The following CPNE8 variants were observed in gnomAD, a reference collection of about 807,000 sequenced individuals.
The protein encoded by CPNE8 is copine-8.
In CPNE8, 45 loss-of-function variants were observed where a neutral mutation model predicts 81.5. The ratio of observed to expected loss-of-function variants is 0.55; its 90% CI spans 0.44 to 0.71. The LOEUF is 0.71. CPNE8 is among the 30% of genes least tolerant of loss of function. The pLI is 0.00. For missense variants in CPNE8, 594 were observed against 672.1 expected (o/e 0.88, Z 1.28); for synonymous variants, 252 against 226.3 (o/e 1.11, Z -1.02).
At chr12:38,905,290 G>T in intron 1 of CPNE8, 147 bp downstream of exon 1, 1 of 836,660 alleles carries the variant, frequency 1.2e-6, no homozygotes, top group Admixed American at 2.5e-5. Flanking sequence ...CTGACCCGGG[G>T]TAACTCCAGC....
chr12:38,654,154 T>G, intron 19 of CPNE8, 84 bp from the exon 20 acceptor site: 1 of 1,432,428 alleles, frequency 7.0e-7, no homozygotes, highest in Non-Finnish European at 9.2e-7. Context: ...TGTACACATT[T>G]GGTCATAGGA....
chr12:38,879,345 C>T (rs1944116829), intron 1 of CPNE8, among the ~76,000 whole-genome samples: 1 of 151,836 alleles, frequency 6.6e-6, no homozygotes, highest in South Asian at 2.1e-4. Context: ...TTGCCAACTA[C>T]ATCCCATTTT....
chr12:38,775,315 A>G (rs1941908379), intron 7 of CPNE8, among the ~76,000 whole-genome samples: 1 of 152,336 alleles, frequency 6.6e-6, no homozygotes, highest in Admixed American at 6.5e-5. Context: ...AAAGCTACAG[A>G]ATTTATCTAA....
chr12:38,817,354 C>G (rs1027303131), intron 6 of CPNE8, among the ~76,000 whole-genome samples: 2 of 152,154 alleles, frequency 1.3e-5, no homozygotes, highest in African/African-American at 4.8e-5. Flanking sequence ...TTTAGACTGT[C>G]TTGGCTCTGT....
At chr12:38,736,870 C>A (rs1251854074) in intron 10 of CPNE8, among the ~76,000 whole-genome samples, 1 of 151,956 alleles carries the variant, frequency 6.6e-6, no homozygotes, top group African/African-American at 2.4e-5. Flanking sequence ...CCAGTTATGA[C>A]CTTGGATACT....
At chr12:38,767,915 T>A (rs1270070572) in intron 7 of CPNE8, among the ~76,000 whole-genome samples, 177 bp from the exon 8 acceptor site, 1 of 152,120 alleles carries the variant, frequency 6.6e-6, no homozygotes, top group Non-Finnish European at 1.5e-5. Context: ...ACTTTAAAAA[T>A]TTTGCTGGTA....
At chr12:38,774,535 T>G (rs1250037869) in intron 7 of CPNE8, among the ~76,000 whole-genome samples, 8 of 152,138 alleles carry the variant, frequency 5.3e-5, no homozygotes, top group South Asian at 2.1e-4. Context: ...AGGCACTGGG[T>G]AGTATATGCA....
chr12:38,772,763 G>T (rs1163794560), intron 7 of CPNE8, among the ~76,000 whole-genome samples: 1 of 152,078 alleles, frequency 6.6e-6, no homozygotes, highest in Non-Finnish European at 1.5e-5. Context: ...CCACTTCTGG[G>T]TATATATCCA....
intron 19 of CPNE8, among the ~76,000 whole-genome samples, chr12:38,659,113 T>A (rs1010934949): frequency 6.6e-6 from 1 of 150,940 alleles, no homozygotes; most frequent in Non-Finnish European, 1.5e-5. Flanking sequence ...GCAAACTGGA[T>A]AGTCAAGACC....
At chr12:38,831,946 T>G (rs1377335219) in intron 5 of CPNE8, among the ~76,000 whole-genome samples, 1 of 152,248 alleles carries the variant, frequency 6.6e-6, no homozygotes, top group Non-Finnish European at 1.5e-5. Context: ...CCATCTGTGC[T>G]GAAATTGCTC....
chr12:38,658,082 C>T (rs1591992876), intron 19 of CPNE8, among the ~76,000 whole-genome samples: 1 of 151,990 alleles, frequency 6.6e-6, no homozygotes, highest in Non-Finnish European at 1.5e-5. Context: ...TTCAGAAGGT[C>T]GGTAATAATA....
chr12:38,876,243 C>T (rs1944064421), intron 1 of CPNE8, among the ~76,000 whole-genome samples: 1 of 152,078 alleles, frequency 6.6e-6, no homozygotes, highest in African/African-American at 2.4e-5. Context: ...GACGAACTTT[C>T]ACTCGTTACC....
intron 6 of CPNE8, among the ~76,000 whole-genome samples, chr12:38,782,939 C>T (rs1038418857): frequency 6.6e-6 from 1 of 152,128 alleles, no homozygotes; most frequent in African/African-American, 2.4e-5. Context: ...ATTGACCTCC[C>T]AAAGTGCAGG....
At chr12:38,786,840 A>G (rs1942200283) in intron 6 of CPNE8, among the ~76,000 whole-genome samples, 1 of 152,204 alleles carries the variant, frequency 6.6e-6, no homozygotes, top group African/African-American at 2.4e-5. Flanking sequence ...CAGATACATA[A>G]AACAAATATT....
At chr12:38,747,837 C>T (rs141735828) in intron 10 of CPNE8, among the ~76,000 whole-genome samples, 70 of 151,984 alleles carry the variant, frequency 4.6e-4, no homozygotes, top group African/African-American at 1.2e-3. Context: ...TTAATTTTAA[C>T]TGATTCTATT....
chr12:38,896,501 A>G (rs1020022181), intron 1 of CPNE8, among the ~76,000 whole-genome samples: 9 of 152,136 alleles, frequency 5.9e-5, no homozygotes, highest in African/African-American at 2.2e-4. Context: ...TGTATTGGCA[A>G]CTACAGCAGT....
In CPNE8 at chr12:38,819,219, C is replaced by T. The variant is rs113941549; in HGVS notation, c.407+10160G>A. ...ATGAAGTCTTTGCCCATGCCTATGT[C>T]CTGAATCGTATTGTCTAGGTTTTAT... is the stretch of plus-strand genomic sequence containing the variant. On this transcript the variant is annotated intron_variant, in intron 6 of 19. Coordinates refer to ENST00000331366, the MANE Select transcript of CPNE8 (RefSeq NM_153634.3). Among the ~76,000 whole-genome samples, 433 of 152,222 alleles carry T rather than the reference C, an allele frequency of 2.8e-3. 5 individuals are homozygous for T. Among genetic ancestry groups the T allele is most frequent in the African/African-American group, 9.6e-3 (399 of 41,548 alleles).
intron 19 of CPNE8, among the ~76,000 whole-genome samples, chr12:38,663,265 C>T: frequency 6.6e-6 from 1 of 151,310 alleles, no homozygotes. Context: ...AATAGCAAAA[C>T]AAAAAACAAA....
intron 6 of CPNE8, among the ~76,000 whole-genome samples, chr12:38,821,082 C>T (rs1255995970): frequency 1.3e-5 from 2 of 152,068 alleles, no homozygotes; most frequent in Non-Finnish European, 2.9e-5. Flanking sequence ...CAATGATCCT[C>T]TTTGAAAAAA....
Sources: allele counts gnomAD v4.1 joint callset (sites outside exome capture counted in the v4.1 genomes callset), GRCh38; gene constraint gnomAD v4.1.1; transcripts MANE v1.5; gene names NCBI Gene and HGNC (gene_info 2026-07-23, HGNC 2026-07-21).